PROZ: variants seen among roughly 807,000 people sequenced by gnomAD.
The protein encoded by PROZ is vitamin K-dependent protein Z.
A neutral mutation model predicts 34.9 loss-of-function variants in PROZ; 46 were observed. That is an observed-to-expected ratio of 1.32 (90% CI 1.04 to 1.69). PROZ has a LOEUF of 1.69. PROZ is among the 40% of genes most tolerant of loss of function. The probability of loss-of-function intolerance (pLI) is 0.00; values close to 1 mark genes in which losing one functional copy is unlikely to be tolerated. For synonymous variants in PROZ, 195 were observed against 208.5 expected (o/e 0.94, Z 0.56); for missense variants, 530 against 520.4 (o/e 1.02, Z -0.18).
In PROZ at chr13:113,161,601, C is replaced by T. The variant is rs1013034069; in HGVS notation, c.259+629C>T. Among the ~76,000 whole-genome samples the T allele has an allele frequency of 6.6e-5, 10 of 152,104 alleles. No individual in the cohort carries two copies. The East Asian group carries it at 1.9e-3, about 29-fold the overall frequency. ...CCGGAGAAGGGCTGATGGGGCGGGA[C>T]AGAGGGGACCGCGTGCGGACGAAGA... is the stretch of plus-strand genomic sequence containing the variant. On this transcript the variant is annotated intron_variant, in intron 3 of 7. Coordinates refer to ENST00000375547, the MANE Select transcript of PROZ (RefSeq NM_003891.3).
chr13:113,160,377 G>T (rs1182046427), intron 2 of PROZ, among the ~76,000 whole-genome samples, 200 bp downstream of exon 2: 1 of 152,130 alleles, frequency 6.6e-6, no homozygotes, highest in Admixed American at 6.5e-5. Context: ...AGTGAGTGGG[G>T]CTGGAAGTCA....
intron 4 of PROZ, among the ~76,000 whole-genome samples, chr13:113,163,966 CTTT>C (rs34345554): frequency 1.4e-4 from 20 of 145,556 alleles, no homozygotes; most frequent in Middle Eastern, 3.5e-3. Context: ...CTCATGGAGT[CTTT>C]TTTTTTTTTT....
In PROZ at chr13:113,159,674, T is replaced by C. The variant is rs1246530449; in HGVS notation, c.71-340T>C. 1.3e-5 allele frequency among the ~76,000 whole-genome samples: 2 copies of C among 152,228 alleles called. No homozygotes were observed. Among genetic ancestry groups the C allele is most frequent in the Non-Finnish European group, 2.9e-5 (2 of 68,030 alleles). On this transcript the variant is annotated intron_variant, in intron 1 of 7. Transcript: ENST00000375547. This position sits in a 1 kb window ranked among gnomAD's most constrained non-coding sequence, Gnocchi z 4.6. The stretch of plus-strand genomic sequence containing the variant: ...ATGGCTCTTGGTCCCCAGTTCTCAG[T>C]ACGGGGACCTTTGACCCCAGCTCAG...
In PROZ at chr13:113,158,681, G is replaced by A; in HGVS notation, c.21G>A (p.Leu7=). ...TGGGAATGGCAGGCTGCGTCCCACTGCTCCAGGGCCTGGTCCTGGTCCTCG... is the reference window on the plus strand; with the variant it reads ...TGGGAATGGCAGGCTGCGTCCCACTACTCCAGGGCCTGGTCCTGGTCCTCG... The part of the protein sequence containing the change: MAGCVP[L]LQGLVLVLAL... The change falls in exon 1 of 8, where the codon CTG becomes CTA. Residue 7 remains leucine (L), a synonymous_variant. Transcript: ENST00000375547. The surrounding 1 kb of genome is among the most constrained non-coding windows in gnomAD (Gnocchi z 4.3). 6.2e-7 allele frequency: 1 copy of A among 1,606,014 alleles called. No individual in the cohort carries two copies. The highest frequency in any genetic ancestry group is 1.1e-5 in the South Asian group (1 of 89,380).
chr13:113,170,928 C>CT (rs34930539), intron 7 of PROZ, among the ~76,000 whole-genome samples: 5,392 of 146,480 alleles, frequency 0.037, 281 homozygotes, highest in East Asian at 0.22. Context: ...CTATTTCTTT[C>CT]TTTTTTTTTT....
In PROZ at chr13:113,170,396, T is replaced by C. The variant is rs949430654; in HGVS notation, c.574-17T>C. 3 of 1,437,460 alleles carry C rather than the reference T, an allele frequency of 2.1e-6. No individual in the cohort carries two copies. The highest frequency in any genetic ancestry group is 2.9e-6 in the Non-Finnish European group (3 of 1,019,316). The allele number at this position is 1,437,460 out of a possible 1,614,324, so 89.0% of individuals were successfully genotyped here. A position where few individuals can be genotyped will look rare whatever the true frequency, so the allele number is the denominator to read the frequency against. The stretch of plus-strand genomic sequence containing the variant: ...AAATTGTCACCAGCTATTTATTGTC[T>C]GTTTTGATTTTTAAAGGTAAAGTTA... On this transcript the variant is annotated splice_polypyrimidine_tract_variant and intron_variant, in intron 6 of 7. Coordinates refer to ENST00000375547, the MANE Select transcript of PROZ (RefSeq NM_003891.3).
At chr13:113,166,727 C>T (rs1320338407) in intron 6 of PROZ, among the ~76,000 whole-genome samples, 1 of 152,216 alleles carries the variant, frequency 6.6e-6, no homozygotes, top group East Asian at 1.9e-4. Flanking sequence ...GACAGTTCTT[C>T]CTATCGCTGT....
Position 113,159,301 on chromosome 13 carries a change from G to C in PROZ, c.70+571G>C. ...CACCCAGCATCCCCGCTGGCCCCAT[G>C]GTCTCCCGCTGGCCCCATGGTCTCC... On this transcript the variant is annotated intron_variant, in intron 1 of 7. Coordinates refer to ENST00000375547, the MANE Select transcript of PROZ (RefSeq NM_003891.3). The surrounding 1 kb of genome is among the most constrained non-coding windows in gnomAD (Gnocchi z 4.6). The C allele has an allele frequency of 6.6e-7, 1 of 1,512,568 alleles. No homozygotes were observed. The highest frequency in any genetic ancestry group is 9.0e-7 in the Non-Finnish European group (1 of 1,112,726). The allele number at this position is 1,512,568 out of a possible 1,614,324, so 93.7% of individuals were successfully genotyped here.
rs2036724152 is a variant in PROZ at position 113,159,509 on chromosome 13, G to A, written c.71-505G>A. Among the ~76,000 whole-genome samples the A allele has an allele frequency of 6.6e-6, 1 of 152,168 alleles. No homozygotes were observed. Among genetic ancestry groups the A allele is most frequent in the Non-Finnish European group, 1.5e-5 (1 of 68,032 alleles). On this transcript the variant is annotated intron_variant, in intron 1 of 7. Coordinates refer to ENST00000375547, the MANE Select transcript of PROZ (RefSeq NM_003891.3). This position sits in a 1 kb window ranked among gnomAD's most constrained non-coding sequence, Gnocchi z 4.6. ...CTTTGGGACCCTCAGGTGGGAAGAG[G>A]CTCCAGAGACCACTGCCGCGGGTCA...
intron 4 of PROZ, 96 bp downstream of exon 4, chr13:113,163,218 A>G: frequency 9.3e-7 from 1 of 1,077,862 alleles, no homozygotes; most frequent in South Asian, 1.3e-5. Flanking sequence ...CCTGAGGTGT[A>G]GCCATGAAGG....
chr13:113,171,530 G>A lies in PROZ; in HGVS notation c.692-64G>A, dbSNP rs374281133. 89 of 1,607,364 alleles carry A rather than the reference G, an allele frequency of 5.5e-5. No individual in the cohort carries two copies. The African/African-American group carries it at 7.9e-4, about 14-fold the overall frequency. ...CCTCACGTGGCTCCCTGAGAAGCTC[G>A]TTTGAGCATTATGTCCCCTTGAAAA... On this transcript the variant is annotated intron_variant, in intron 7 of 7. Transcript: ENST00000375547. The surrounding 1 kb of genome is among the most constrained non-coding windows in gnomAD (Gnocchi z 5.1).
rs753636465 is a variant in PROZ at position 113,164,502 on chromosome 13, T to TC, written c.374-11_374-10insC. On this transcript the variant is annotated splice_polypyrimidine_tract_variant and intron_variant, in intron 4 of 7. Coordinates refer to ENST00000375547, the MANE Select transcript of PROZ (RefSeq NM_003891.3). ...CAAGCTAGCATTTCCTTTTTTTTTT[T>TC]TCCTTTTCAGCTAAAAATGAATGTC... 6.2e-5 allele frequency: 93 copies of TC among 1,505,606 alleles called. No individual in the cohort carries two copies. The highest frequency in any genetic ancestry group is 1.2e-4 in the East Asian group (5 of 40,810). 93.3% of individuals were successfully genotyped at this position (1,505,606 alleles called of 1,614,324 possible).
At position 113,172,230 on chromosome 13, in the gene PROZ, G is replaced by A. The variant is rs750964362; in HGVS notation, c.*125G>A. The stretch of plus-strand genomic sequence containing the variant: ...AGGCCGTCACAGCCCCAGACCACCC[G>A]CTTGGCCCACGCAGCAGCAGAGCCG... On this transcript the variant is annotated 3_prime_UTR_variant, in exon 8 of 8. Coordinates refer to ENST00000375547, the MANE Select transcript of PROZ (RefSeq NM_003891.3). The A allele has an allele frequency of 7.9e-5, 108 of 1,368,452 alleles. 1 individual carries two copies. Among genetic ancestry groups the A allele is most frequent in the Non-Finnish European group, 6.6e-5 (66 of 994,376 alleles). 84.8% of individuals were successfully genotyped at this position (1,368,452 alleles called of 1,614,324 possible).
chr13:113,160,925 A>G, intron 2 of PROZ, 23 bp from the exon 3 acceptor site: 1 of 1,587,114 alleles, frequency 6.3e-7, no homozygotes, highest in Non-Finnish European at 8.7e-7. Context: ...CATTTGTAAC[A>G]TTTTTATGTT....
chr13:113,170,841 G>A (rs551443602), intron 7 of PROZ, among the ~76,000 whole-genome samples: 3 of 151,946 alleles, frequency 2.0e-5, no homozygotes, highest in South Asian at 2.1e-4. Flanking sequence ...GCTAAAAATC[G>A]GAAGAATGGG....
At chr13:113,168,797 T>C (rs542874987) in intron 6 of PROZ, among the ~76,000 whole-genome samples, 2 of 152,302 alleles carry the variant, frequency 1.3e-5, no homozygotes, top group East Asian at 3.9e-4. Flanking sequence ...GGTGTGATCA[T>C]GGCTCACTGC....
Position 113,159,216 on chromosome 13 carries a change from C to A in PROZ, c.70+486C>A. 6.5e-7 allele frequency: 1 copy of A among 1,546,948 alleles called. No individual in the cohort carries two copies. The highest frequency in any genetic ancestry group is 8.7e-7 in the Non-Finnish European group (1 of 1,143,420). ...ACCACCAGCCACTTCACTGAAGGAA[C>A]GACATGGACTCCATTCTGACTCTGC... is the stretch of plus-strand genomic sequence containing the variant. On this transcript the variant is annotated intron_variant, in intron 1 of 7. Coordinates refer to ENST00000375547, the MANE Select transcript of PROZ (RefSeq NM_003891.3). The surrounding 1 kb of genome is among the most constrained non-coding windows in gnomAD (Gnocchi z 4.6).
intron 6 of PROZ, among the ~76,000 whole-genome samples, chr13:113,165,798 T>C (rs1280191468): frequency 6.6e-6 from 1 of 152,240 alleles, no homozygotes; most frequent in Non-Finnish European, 1.5e-5. Context: ...CCCAAAGTGC[T>C]GGGATTACAG....
Position 113,171,677 on chromosome 13 carries a change from G to T in PROZ, c.775G>T (p.Glu259Ter). 5 of 1,614,032 alleles carry T rather than the reference G, an allele frequency of 3.1e-6. No individual in the cohort carries two copies. Among genetic ancestry groups the T allele is most frequent in the Non-Finnish European group, 4.2e-6 (5 of 1,180,032 alleles). The change falls in exon 8 of 8, where the codon GAG (glutamate) becomes TAG (stop). Residue 259 changes from glutamate to a stop codon, truncating the protein, a stop_gained. Coordinates refer to ENST00000375547, the MANE Select transcript of PROZ (RefSeq NM_003891.3). LOFTEE classifies it low-confidence loss of function (END_TRUNC). This position sits in a 1 kb window ranked among gnomAD's most constrained non-coding sequence, Gnocchi z 5.1. ...VHMRYDADAG[E>*]NDLSLLELEW... ...CATGCGGTATGACGCGGACGCGGGG[G>T]AGAATGACCTGTCACTGCTGGAGCT...
Sources: gnomAD v4.1 joint callset for allele counts (sites outside exome capture counted in the v4.1 genomes callset) on GRCh38, gnomAD v4.1.1 for gene constraint, Gnocchi (gnomAD v3.1) non-coding constraint, MANE v1.5 for transcripts, NCBI Gene and HGNC (gene_info 2026-07-23, HGNC 2026-07-21) for gene names.